The following MRPL19 variants were observed in gnomAD, a reference collection of about 807,000 sequenced individuals.
The protein encoded by MRPL19 is large ribosomal subunit protein bL19m.
Under a neutral mutation model 34.0 loss-of-function variants are expected in MRPL19, and 31 were observed. The observed-to-expected ratio is 0.91, with a 90% CI of 0.68 to 1.23. MRPL19 has a LOEUF of 1.23. MRPL19 is among the 50% of genes most tolerant of loss of function. MRPL19 has a pLI of 0.00. For synonymous variants in MRPL19, 152 were observed against 127.7 expected (o/e 1.19, Z -1.28); for missense variants, 384 against 367.6 (o/e 1.04, Z -0.37).
intron 5 of MRPL19, 22 bp downstream of exon 5, chr2:75,654,939 C>T (rs367656166): frequency 6.4e-7 from 1 of 1,569,760 alleles, no homozygotes; most frequent in Non-Finnish European, 8.6e-7. Context: ...ACATTTGAAA[C>T]TAGAAGTTCA....
At position 75,652,454 on chromosome 2, in the gene MRPL19, T is replaced by A. The variant is rs1486959638; in HGVS notation, c.341-69T>A. The A allele has an allele frequency of 5.8e-6, 9 of 1,541,692 alleles. No individual in the cohort carries two copies. The Admixed American group carries it at 1.8e-4, about 32-fold the overall frequency. On this transcript the variant is annotated intron_variant, in intron 3 of 5. Coordinates refer to ENST00000393909, the MANE Select transcript of MRPL19 (RefSeq NM_014763.4). The stretch of plus-strand genomic sequence containing the variant: ...GAAATGCTATTTGTTTGTTTCTGCA[T>A]CTTATATAAAGTTTACTTCTCAGCT...
At chr2:75,647,240 T>C (rs779415298) in intron 2 of MRPL19, 21 bp downstream of exon 2, 6 of 1,561,366 alleles carry the variant, frequency 3.8e-6, no homozygotes, top group Non-Finnish European at 5.2e-6. Context: ...GCCCTGGCGC[T>C]AGGCCGGCAA....
In MRPL19 at chr2:75,659,864, C is replaced by T. The variant is rs1163209470; in HGVS notation, c.*4579C>T. ...GCTCAGTGTGGGTCTCTGAGTTTAT[C>T]CCACTTAGAGTTTGTTGAGTTTCTT... On this transcript the variant is annotated 3_prime_UTR_variant, in exon 6 of 6. Transcript: ENST00000393909. 3.3e-5 allele frequency among the ~76,000 whole-genome samples: 5 copies of T among 152,080 alleles called. No individual in the cohort carries two copies. The highest frequency in any genetic ancestry group is 7.4e-5 in the Non-Finnish European group (5 of 67,994).
At position 75,647,146 on chromosome 2, in the gene MRPL19, G is replaced by A. The variant is rs201335545; in HGVS notation, c.148G>A (p.Glu50Lys). 5 of 1,579,166 alleles carry A rather than the reference G, an allele frequency of 3.2e-6. No homozygotes were observed. The African/African-American group carries it at 4.0e-5, about 13-fold the overall frequency. Reference protein sequence around the residue: ...PVRQQSTGPSEPGAFQPPPKP... With the variant: ...PVRQQSTGPSKPGAFQPPPKP... ...CCGGCAGCAGAGCACTGGGCCTTCC[G>A]AGCCCGGTGCGTTCCAACCGCCGCC... Residue 50 changes from glutamate to lysine, a missense_variant, in exon 2 of 6, where the codon GAG becomes AAG. Physicochemically the swap from Glu to Lys is moderately conservative, Grantham distance 56 (BLOSUM62 1). Transcript: ENST00000393909.
chr2:75,658,221 G>A lies in MRPL19; in HGVS notation c.*2936G>A, dbSNP rs552171668. On this transcript the variant is annotated 3_prime_UTR_variant, in exon 6 of 6. Transcript: ENST00000393909. ...AAGACTATAGGCACACATTAACTGC[G>A]CCTGGCTGATTTTGTTTTTTGTAGA... 7.9e-5 allele frequency among the ~76,000 whole-genome samples: 12 copies of A among 152,076 alleles called. No individual in the cohort carries two copies. The South Asian group carries it at 1.7e-3, about 21-fold the overall frequency.
In MRPL19 at chr2:75,652,122, T is replaced by G; in HGVS notation, c.222-20T>G. On this transcript the variant is annotated intron_variant, in intron 2 of 5. Coordinates refer to ENST00000393909, the MANE Select transcript of MRPL19 (RefSeq NM_014763.4). ...AGCCTTTTGAGTTTACTTTTAATTA[T>G]TTATTTGTATTTTTTACAGGTTCTT... is the stretch of plus-strand genomic sequence containing the variant. The G allele has an allele frequency of 7.0e-7, 1 of 1,423,710 alleles. No individual in the cohort carries two copies. The highest frequency in any genetic ancestry group is 9.6e-7 in the Non-Finnish European group (1 of 1,043,322). The allele number at this position is 1,423,710 out of a possible 1,614,324, so 88.2% of individuals were successfully genotyped here. A position where few individuals can be genotyped will look rare whatever the true frequency, so the allele number is the denominator to read the frequency against.
chr2:75,651,011 GATTCTTAC>G, intron 2 of MRPL19, among the ~76,000 whole-genome samples: 1 of 152,282 alleles, frequency 6.6e-6, no homozygotes, highest in East Asian at 1.9e-4. Context: ...GTTCTGGGAA[GATTCTTAC>G]AGCATAAACA....
At position 75,646,888 on chromosome 2, in the gene MRPL19, C is replaced by A. The variant is rs762667318; in HGVS notation, c.81C>A (p.Pro27=). 1.9e-6 allele frequency: 3 copies of A among 1,594,740 alleles called. No homozygotes were observed. Among genetic ancestry groups the A allele is most frequent in the Non-Finnish European group, 2.6e-6 (3 of 1,171,122 alleles). ...RSFQAARTLL[P]PPASIACRVH... ...TCCAAGCCGCCAGGACTCTGCTCCC[C>A]CCGCCGGCCTCTATCGCCTGCAGTA... Residue 27 remains proline (P), a synonymous_variant, in exon 1 of 6, where the codon CCC becomes CCA. Coordinates refer to ENST00000393909, the MANE Select transcript of MRPL19 (RefSeq NM_014763.4).
At chr2:75,654,688 T>C (rs1391645512) in intron 4 of MRPL19, 48 bp from the exon 5 acceptor site, 1 of 1,568,260 alleles carries the variant, frequency 6.4e-7, no homozygotes, top group African/African-American at 1.4e-5. Flanking sequence ...GAAACATGTA[T>C]AGGAACGTGG....
intron 2 of MRPL19, chr2:75,651,436 C>G (rs1032072696): frequency 2.0e-5 from 11 of 536,740 alleles, no homozygotes; most frequent in African/African-American, 1.9e-4. Context: ...GTCCTCTGGA[C>G]TCATCATTGC....
chr2:75,657,150 G>C lies in MRPL19; in HGVS notation c.*1865G>C, dbSNP rs1405067509. On this transcript the variant is annotated 3_prime_UTR_variant, in exon 6 of 6. Coordinates refer to ENST00000393909, the MANE Select transcript of MRPL19 (RefSeq NM_014763.4). Reference sequence around the variant, plus strand: ...AAATTTCTTTCTGTATTTATTTTTTGTTGTCTATATTTCAGACTTTTCCAG... The same window carrying C: ...AAATTTCTTTCTGTATTTATTTTTTCTTGTCTATATTTCAGACTTTTCCAG... 1 of 150,614 alleles carries C rather than the reference G, an allele frequency of 6.6e-6. No individual in the cohort carries two copies. Among genetic ancestry groups the C allele is most frequent in the African/African-American group, 2.4e-5 (1 of 40,948 alleles). The allele number at this position is 150,614 out of a possible 1,614,324, so 9.3% of individuals were successfully genotyped here.
chr2:75,653,245 C>G (rs1181896608), intron 4 of MRPL19, among the ~76,000 whole-genome samples: 1 of 152,158 alleles, frequency 6.6e-6, no homozygotes, highest in Non-Finnish European at 1.5e-5. Flanking sequence ...GTTCCAACAA[C>G]AAAGTATTCT....
Position 75,658,983 on chromosome 2 carries a change from C to T in MRPL19, c.*3698C>T, listed in dbSNP as rs1373597170. Among the ~76,000 whole-genome samples, 1 of 151,818 alleles carries T rather than the reference C, an allele frequency of 6.6e-6. No homozygotes were observed. The highest frequency in any genetic ancestry group is 2.4e-5 in the African/African-American group (1 of 41,346). On this transcript the variant is annotated 3_prime_UTR_variant, in exon 6 of 6. Coordinates refer to ENST00000393909, the MANE Select transcript of MRPL19 (RefSeq NM_014763.4). ...TTCTGTCCATTCTGCCAATTTCTGC[C>T]TTTTGATTGGAAAATTTAATCCATT...
At chr2:75,653,425 C>G (rs1678372670) in intron 4 of MRPL19, among the ~76,000 whole-genome samples, 1 of 152,180 alleles carries the variant, frequency 6.6e-6, no homozygotes, top group South Asian at 2.1e-4. Flanking sequence ...AGGAGTGAGT[C>G]ATTTGATTTT....
intron 5 of MRPL19, 45 bp downstream of exon 5, chr2:75,654,962 G>T (rs1678411916): frequency 2.0e-6 from 3 of 1,535,600 alleles, no homozygotes; most frequent in Non-Finnish European, 2.6e-6. Context: ...TATAAAATAA[G>T]AAAGAAAGAA....
chr2:75,652,583 T>C lies in MRPL19; in HGVS notation c.401T>C (p.Leu134Pro), dbSNP rs750249153. The C allele has an allele frequency of 1.4e-5, 22 of 1,613,790 alleles. No individual in the cohort carries two copies. Residue 134 changes from leucine to proline, a missense_variant, in exon 4 of 6, where the codon CTG (leucine) becomes CCG (proline). Transcript: ENST00000393909. The part of the protein sequence containing the change: ...PYASGKISQF[L>P]GICIQRSGRG... ...GCCAGTGGAAAAATCAGCCAGTTTC[T>C]GGGGATTTGCATTCAGAGATCAGGA...
chr2:75,647,391 A>G, intron 2 of MRPL19, 172 bp downstream of exon 2: 1 of 616,228 alleles, frequency 1.6e-6, no homozygotes. Context: ...ACTTCTCCCC[A>G]AGCCAGCATT....
At chr2:75,650,825 G>C (rs577045206) in intron 2 of MRPL19, among the ~76,000 whole-genome samples, 1 of 152,294 alleles carries the variant, frequency 6.6e-6, no homozygotes, top group African/African-American at 2.4e-5. Context: ...AAGGGATACT[G>C]CTGTGCCAGG....
chr2:75,655,073 A>G lies in MRPL19; in HGVS notation c.667A>G (p.Lys223Glu), dbSNP rs201194058. 6.3e-5 allele frequency: 99 copies of G among 1,569,192 alleles called. No homozygotes were observed. The highest frequency in any genetic ancestry group is 8.5e-5 in the Non-Finnish European group (99 of 1,165,610). The change falls in exon 6 of 6, where the codon AAA becomes GAA. Residue 223 changes from lysine (K) to glutamate (E), a missense_variant. Lys to Glu is a moderately conservative substitution (Grantham distance 56, BLOSUM62 1). Transcript: ENST00000393909. Reference sequence around the variant, plus strand: ...TTTTAATCTTCCTTAGCTGAAAGTAAAAATGAAGCCTAAGCCCTGGTCTAA... The same window carrying G: ...TTTTAATCTTCCTTAGCTGAAAGTAGAAATGAAGCCTAAGCCCTGGTCTAA... ...QKVPVNELKV[K>E]MKPKPWSKRW...
Sources: gnomAD v4.1 joint callset for allele counts (sites outside exome capture counted in the v4.1 genomes callset) on GRCh38, gnomAD v4.1.1 for gene constraint, MANE v1.5 for transcripts, NCBI Gene and HGNC (gene_info 2026-07-23, HGNC 2026-07-21) for gene names.